The following LPP variants were observed in gnomAD, a reference collection of about 807,000 sequenced individuals.
The protein encoded by LPP is LIM domain containing preferred translocation partner in lipoma.
A neutral mutation model predicts 60.4 loss-of-function variants in LPP; 38 were observed. That is an observed-to-expected ratio of 0.63 (90% CI 0.49 to 0.83). The LOEUF (loss-of-function observed/expected upper bound fraction) is 0.83, where lower values mean the gene tolerates loss of function less well. LPP is among the 40% of genes least tolerant of loss of function. The pLI, the probability that LPP is intolerant of heterozygous loss-of-function variation, is 0.00. For missense variants in LPP, 902 were observed against 783.6 expected (o/e 1.15, Z -1.80); for synonymous variants, 328 against 290.8 (o/e 1.13, Z -1.30).
chr3:188,202,338 T>C (rs1391648726), intron 1 of LPP, among the ~76,000 whole-genome samples: 1 of 152,004 alleles, frequency 6.6e-6, no homozygotes, highest in Non-Finnish European at 1.5e-5. Flanking sequence ...AGAGAATACA[T>C]GGAAAGGGCA....
intron 5 of LPP, among the ~76,000 whole-genome samples, chr3:188,499,503 T>C (rs1811211051): frequency 6.6e-6 from 1 of 152,198 alleles, no homozygotes; most frequent in Non-Finnish European, 1.5e-5. Flanking sequence ...CTGTTTTGCT[T>C]ACTTTAGCTT....
intron 6 of LPP, among the ~76,000 whole-genome samples, chr3:188,607,370 GATATAT>G (rs10527365): frequency 0.022 from 2,282 of 101,968 alleles, 33 homozygotes; most frequent in Non-Finnish European, 0.032. Flanking sequence ...GAAAATAGAA[GATATAT>G]ATATATATAT....
chr3:188,162,026 T>A (rs1327828728), intron 1 of LPP, among the ~76,000 whole-genome samples: 1 of 152,228 alleles, frequency 6.6e-6, no homozygotes, highest in East Asian at 1.9e-4. Flanking sequence ...TACTTATTTT[T>A]GCTTGCCTAG....
At chr3:188,170,324 CTTTTCTTTTTT>C (rs1721195019) in intron 1 of LPP, among the ~76,000 whole-genome samples, 1 of 129,634 alleles carries the variant, frequency 7.7e-6, no homozygotes, top group Admixed American at 8.7e-5. Flanking sequence ...CTTTTCTTTT[CTTTTCTTTTTT>C]TTTTTTTTTT....
At chr3:188,368,998 C>T (rs75007967) in intron 3 of LPP, among the ~76,000 whole-genome samples, 4,223 of 152,202 alleles carry the variant, frequency 0.028, 200 homozygotes, top group African/African-American at 0.098. Flanking sequence ...TTACAGTTAT[C>T]GCCATGAGAT....
chr3:188,246,190 T>TC, intron 2 of LPP, among the ~76,000 whole-genome samples: 1 of 152,260 alleles, frequency 6.6e-6, no homozygotes, highest in South Asian at 2.1e-4. Context: ...TCTACAACTT[T>TC]TTTTTTTTCT....
At chr3:188,248,468 T>TTTTATATATA (rs1727808969) in intron 2 of LPP, among the ~76,000 whole-genome samples, 2 of 84,142 alleles carry the variant, frequency 2.4e-5, no homozygotes, top group Admixed American at 2.6e-4. Flanking sequence ...CAGTATAACT[T>TTTTATATATA]TATATATATA....
intron 9 of LPP, among the ~76,000 whole-genome samples, chr3:188,769,673 C>T (rs182423635): frequency 1.1e-4 from 17 of 152,250 alleles, no homozygotes; most frequent in African/African-American, 7.2e-5. Context: ...GATTTATTAA[C>T]GGCAGAGGTG....
intron 5 of LPP, among the ~76,000 whole-genome samples, chr3:188,516,306 A>C (rs1817345152): frequency 6.6e-6 from 1 of 152,204 alleles, no homozygotes; most frequent in Non-Finnish European, 1.5e-5. Context: ...TATTTCTATT[A>C]GATAAAATAG....
At chr3:188,623,189 T>C (rs1846138922) in intron 7 of LPP, among the ~76,000 whole-genome samples, 2 of 151,948 alleles carry the variant, frequency 1.3e-5, no homozygotes, top group South Asian at 4.2e-4. Flanking sequence ...ACCCAATTAG[T>C]TATTATTTCC....
chr3:188,458,787 G>C (rs796860764), intron 4 of LPP, among the ~76,000 whole-genome samples: 4 of 96,940 alleles, frequency 4.1e-5, no homozygotes, highest in South Asian at 9.0e-4. Flanking sequence ...TTTTGCATGA[G>C]TATGGGAATG....
At chr3:188,808,365 C>T (rs1749812125) in intron 9 of LPP, among the ~76,000 whole-genome samples, 2 of 152,226 alleles carry the variant, frequency 1.3e-5, no homozygotes, top group South Asian at 4.1e-4. Context: ...TCTGCTGTTA[C>T]CTTCAGTTTT....
intron 5 of LPP, among the ~76,000 whole-genome samples, chr3:188,506,998 T>C (rs1481403248): frequency 1.3e-5 from 2 of 152,026 alleles, no homozygotes; most frequent in African/African-American, 4.8e-5. Context: ...GGGGTTTCAC[T>C]GTGTTAGTCA....
rs999479253 is a variant in LPP at position 188,881,541 on chromosome 3, T to G, written c.*7062T>G. On this transcript the variant is annotated 3_prime_UTR_variant, in exon 12 of 12. Transcript: ENST00000617246. Reference sequence around the variant, plus strand: ...GAAATTGGAATCACCCAAAGAGAATTTCCCCAAAAAACCTCAGACCCAGAA... The same window carrying G: ...GAAATTGGAATCACCCAAAGAGAATGTCCCCAAAAAACCTCAGACCCAGAA... 2.7e-4 allele frequency: 58 copies of G among 216,002 alleles called. 1 individual carries two copies. The highest frequency in any genetic ancestry group is 1.3e-3 in the African/African-American group (58 of 44,460). The allele number at this position is 216,002 out of a possible 1,614,324, so 13.4% of individuals were successfully genotyped here. A position where few individuals can be genotyped will look rare whatever the true frequency, so the allele number is the denominator to read the frequency against.
At chr3:188,555,994 T>C (rs972706060) in intron 6 of LPP, among the ~76,000 whole-genome samples, 1 of 152,034 alleles carries the variant, frequency 6.6e-6, no homozygotes, top group Non-Finnish European at 1.5e-5. Context: ...TAGGAGGAAA[T>C]GCAAAGGACA....
At position 188,352,024 on chromosome 3, in the gene LPP, C is replaced by T. The variant is rs186017298; in HGVS notation, c.-10+10305C>T. 3.3e-5 allele frequency among the ~76,000 whole-genome samples: 5 copies of T among 152,294 alleles called. No individual in the cohort carries two copies. Among genetic ancestry groups the T allele is most frequent in the Admixed American group, 2.0e-4 (3 of 15,298 alleles). On this transcript the variant is annotated intron_variant, in intron 3 of 11. Transcript: ENST00000617246. This position sits in a 1 kb window ranked among gnomAD's most constrained non-coding sequence, Gnocchi z 4.4. ...CTCCTGCCTCTTCCCTAGCTAGCCT[C>T]GACCTCAACGTGTATTATTTCCTCC...
intron 9 of LPP, among the ~76,000 whole-genome samples, chr3:188,768,856 G>A (rs1734960672): frequency 6.6e-6 from 1 of 152,044 alleles, no homozygotes; most frequent in Admixed American, 6.6e-5. Context: ...AGTGTTGTTA[G>A]CACATAGTGT....
chr3:188,416,677 A>G (rs564106117), intron 4 of LPP, among the ~76,000 whole-genome samples: 2 of 152,282 alleles, frequency 1.3e-5, no homozygotes, highest in East Asian at 3.9e-4. Flanking sequence ...CAGTGCTTTC[A>G]TTATAGACAC....
intron 2 of LPP, among the ~76,000 whole-genome samples, chr3:188,310,305 T>C (rs1050924729): frequency 6.6e-6 from 1 of 151,952 alleles, no homozygotes; most frequent in African/African-American, 2.4e-5. Flanking sequence ...TTCTAATGTC[T>C]GCAGTGATAT....
Sources: gnomAD v4.1 joint callset for allele counts (sites outside exome capture counted in the v4.1 genomes callset) on GRCh38, gnomAD v4.1.1 for gene constraint, Gnocchi (gnomAD v3.1) non-coding constraint, MANE v1.5 for transcripts, NCBI Gene and HGNC (gene_info 2026-07-23, HGNC 2026-07-21) for gene names.